TAFA1: variants seen among roughly 807,000 people sequenced by gnomAD.
TAFA1 encodes chemokine-like protein TAFA-1.
Under a neutral mutation model 18.5 loss-of-function variants are expected in TAFA1, and 4 were observed. The ratio of observed to expected loss-of-function variants is 0.22; its 90% CI spans 0.11 to 0.49. TAFA1 has a LOEUF of 0.49. Among genes scored for constraint, TAFA1 ranks in the 20% least tolerant of loss-of-function variants. TAFA1 has a pLI of 0.98. For synonymous variants in TAFA1, 56 were observed against 55.2 expected, an observed-to-expected ratio of 1.01 and a Z score of -0.06; for missense variants, 147 against 169.0, an observed-to-expected ratio of 0.87 and a Z score of 0.72.
chr3:68,436,807 T>C (rs2071275063), intron 3 of TAFA1, among the ~76,000 whole-genome samples: 1 of 152,158 alleles, frequency 6.6e-6, no homozygotes, highest in African/African-American at 2.4e-5. Flanking sequence ...TGGTTATGAA[T>C]AACCCCTGGC....
At chr3:68,136,905 G>A (rs2065614986) in intron 2 of TAFA1, among the ~76,000 whole-genome samples, 1 of 152,126 alleles carries the variant, frequency 6.6e-6, no homozygotes, top group African/African-American at 2.4e-5. Context: ...AATTTCAAAG[G>A]ATACTTCAGT....
intron 3 of TAFA1, among the ~76,000 whole-genome samples, chr3:68,531,731 C>T (rs75539071): frequency 0.016 from 2,469 of 152,178 alleles, 56 homozygotes; most frequent in African/African-American, 0.056. Flanking sequence ...GACTGCCTTT[C>T]CCTGGCGCTG....
At chr3:68,157,408 G>C (rs1301868423) in intron 2 of TAFA1, among the ~76,000 whole-genome samples, 2 of 152,116 alleles carry the variant, frequency 1.3e-5, no homozygotes, top group Non-Finnish European at 2.9e-5. Flanking sequence ...TTATTTACTG[G>C]AAACTCATTT....
intron 2 of TAFA1, among the ~76,000 whole-genome samples, chr3:68,415,555 T>A (rs2070815231): frequency 6.6e-6 from 1 of 152,090 alleles, no homozygotes; most frequent in African/African-American, 2.4e-5. Flanking sequence ...TCAATCCCTC[T>A]AAGACAGAAA....
chr3:68,431,804 T>C (rs2071179299), intron 3 of TAFA1, among the ~76,000 whole-genome samples: 2 of 151,994 alleles, frequency 1.3e-5, no homozygotes, highest in Admixed American at 6.6e-5. Flanking sequence ...AGAAGTTTTT[T>C]ATTTGGCTGG....
At chr3:68,380,058 G>A (rs145956398) in intron 2 of TAFA1, among the ~76,000 whole-genome samples, 2,977 of 151,978 alleles carry the variant, frequency 0.02, 103 homozygotes, top group African/African-American at 0.068. Flanking sequence ...GAGAATGATG[G>A]TTTCCAGTTT....
At chr3:68,353,507 C>G (rs997763031) in intron 2 of TAFA1, among the ~76,000 whole-genome samples, 1 of 151,908 alleles carries the variant, frequency 6.6e-6, no homozygotes, top group Non-Finnish European at 1.5e-5. Flanking sequence ...TTTAATGGAC[C>G]GGGTGTTTCT....
chr3:68,444,851 A>G (rs1156783819), intron 3 of TAFA1, among the ~76,000 whole-genome samples: 1 of 148,676 alleles, frequency 6.7e-6, no homozygotes, highest in East Asian at 2.0e-4. Flanking sequence ...TCTGGATTTA[A>G]ATCCCAGCTT....
chr3:68,475,139 AT>A (rs5849846), intron 3 of TAFA1, among the ~76,000 whole-genome samples: 3,524 of 150,434 alleles, frequency 0.023, 140 homozygotes, highest in African/African-American at 0.08. Context: ...GCTGGCTTCT[AT>A]TTTTTTTTAA....
intron 3 of TAFA1, among the ~76,000 whole-genome samples, chr3:68,461,664 G>A (rs189105986): frequency 1.3e-4 from 19 of 151,342 alleles, no homozygotes; most frequent in Non-Finnish European, 2.2e-4. Flanking sequence ...ATGAAACCCT[G>A]TCTCAGTTAT....
chr3:68,273,581 G>C (rs913135079), intron 2 of TAFA1, among the ~76,000 whole-genome samples: 1 of 152,178 alleles, frequency 6.6e-6, no homozygotes, highest in Non-Finnish European at 1.5e-5. Context: ...CCTGAAGGCA[G>C]ATGGATGCCC....
chr3:68,354,958 G>A (rs2069335085), intron 2 of TAFA1, among the ~76,000 whole-genome samples: 1 of 151,988 alleles, frequency 6.6e-6, no homozygotes. Flanking sequence ...TTCAGCATGA[G>A]CTTGGAGGGG....
At chr3:68,472,918 A>G (rs927823463) in intron 3 of TAFA1, among the ~76,000 whole-genome samples, 1 of 152,152 alleles carries the variant, frequency 6.6e-6, no homozygotes, top group Non-Finnish European at 1.5e-5. Flanking sequence ...AGATATTTTG[A>G]TTAGCTAAAC....
intron 2 of TAFA1, among the ~76,000 whole-genome samples, chr3:68,086,809 T>G (rs1157786936): frequency 2.0e-5 from 3 of 152,210 alleles, no homozygotes; most frequent in African/African-American, 7.2e-5. Flanking sequence ...GAGGCATTCT[T>G]TATGCTAACA....
At chr3:68,502,969 G>A (rs1374471560) in intron 3 of TAFA1, among the ~76,000 whole-genome samples, 2 of 152,168 alleles carry the variant, frequency 1.3e-5, no homozygotes, top group Non-Finnish European at 2.9e-5. Flanking sequence ...AAAATGTGAT[G>A]TATCCATGCA....
chr3:68,084,249 A>G (rs962811353), intron 2 of TAFA1, among the ~76,000 whole-genome samples: 2 of 152,254 alleles, frequency 1.3e-5, no homozygotes, highest in African/African-American at 4.8e-5. Flanking sequence ...TTATTTTTAT[A>G]TGTGTAAAAT....
chr3:68,320,746 C>T (rs1055344633), intron 2 of TAFA1, among the ~76,000 whole-genome samples: 4 of 152,158 alleles, frequency 2.6e-5, no homozygotes, highest in African/African-American at 9.7e-5. Context: ...AAAGATTCTT[C>T]TTATTCTCAT....
intron 2 of TAFA1, among the ~76,000 whole-genome samples, chr3:68,186,197 A>G (rs2066268122): frequency 1.3e-5 from 2 of 152,008 alleles, no homozygotes; most frequent in African/African-American, 4.8e-5. Context: ...TTTATAATAC[A>G]TTTCTACTCT....
chr3:68,106,561 AGAAC>A (rs1174749875), intron 2 of TAFA1, among the ~76,000 whole-genome samples: 19 of 152,288 alleles, frequency 1.2e-4, no homozygotes, highest in Middle Eastern at 3.4e-3. Context: ...AGGGTGAAAA[AGAAC>A]AAACAATGAA....
Sources: allele counts gnomAD v4.1 joint callset (sites outside exome capture counted in the v4.1 genomes callset), GRCh38; gene constraint gnomAD v4.1.1; transcripts MANE v1.5; gene names NCBI Gene and HGNC (gene_info 2026-07-23, HGNC 2026-07-21).